The following GPC5 variants were observed in gnomAD, a reference collection of about 807,000 sequenced individuals.
GPC5 encodes the protein glypican 5, also known as glypican-5.
A neutral mutation model predicts 53.9 loss-of-function variants in GPC5; 47 were observed. The ratio of observed to expected loss-of-function variants is 0.87; its 90% CI spans 0.69 to 1.11. GPC5 has a LOEUF of 1.11. GPC5 is among the 50% of genes most tolerant of loss of function. The pLI, the probability that GPC5 is intolerant of heterozygous loss-of-function variation, is 0.00. For synonymous variants in GPC5, 286 were observed against 263.3 expected (o/e 1.09, Z -0.84); for missense variants, 748 against 713.1 (o/e 1.05, Z -0.56).
In GPC5 at chr13:92,294,088, G is replaced by C. The variant is rs138760291; in HGVS notation, c.1561+149099G>C. 5.1e-3 allele frequency among the ~76,000 whole-genome samples: 782 copies of C among 152,210 alleles called. 7 individuals are homozygous for C. The highest frequency in any genetic ancestry group is 0.018 in the African/African-American group (750 of 41,532). On this transcript the variant is annotated intron_variant, in intron 7 of 7. Transcript: ENST00000377067. ...TCTTTCTGATATGTTGTTGAATTTG[G>C]TTACCTAGTATTTTGTTAAGGATTT...
chr13:92,467,073 A>T (rs1180167118), intron 7 of GPC5, among the ~76,000 whole-genome samples: 1 of 152,178 alleles, frequency 6.6e-6, no homozygotes, highest in Non-Finnish European at 1.5e-5. Flanking sequence ...CAGCACTTTC[A>T]GTTTCCATCT....
chr13:92,495,865 G>A (rs1389124828), intron 7 of GPC5, among the ~76,000 whole-genome samples: 8 of 151,832 alleles, frequency 5.3e-5, no homozygotes, highest in East Asian at 1.9e-4. Context: ...AGGTCCATTC[G>A]TCTAAATATT....
intron 7 of GPC5, among the ~76,000 whole-genome samples, chr13:92,498,378 C>T (rs1880057037): frequency 6.6e-6 from 1 of 152,086 alleles, no homozygotes; most frequent in African/African-American, 2.4e-5. Flanking sequence ...TTTCCCTTTC[C>T]AGTCCAGTGT....
intron 5 of GPC5, among the ~76,000 whole-genome samples, chr13:91,864,213 A>G (rs2039060647): frequency 6.6e-6 from 1 of 152,326 alleles, no homozygotes; most frequent in African/African-American, 2.4e-5. Flanking sequence ...TTTGATGGGC[A>G]AACTCAATGC....
At chr13:92,049,171 T>G (rs576663071) in intron 6 of GPC5, among the ~76,000 whole-genome samples, 1 of 152,294 alleles carries the variant, frequency 6.6e-6, no homozygotes, top group Admixed American at 6.5e-5. Context: ...GATTTTCACC[T>G]AACTTGACAG....
intron 6 of GPC5, among the ~76,000 whole-genome samples, chr13:91,958,604 C>T (rs2040096413): frequency 6.6e-6 from 1 of 151,990 alleles, no homozygotes; most frequent in Admixed American, 6.6e-5. Context: ...GAACATTCTC[C>T]AGGATAGGTC....
intron 7 of GPC5, among the ~76,000 whole-genome samples, chr13:92,379,675 T>C (rs1490929239): frequency 1.3e-5 from 2 of 151,908 alleles, no homozygotes; most frequent in African/African-American, 4.8e-5. Flanking sequence ...TGCATATTAG[T>C]TCCTCTCTGT....
chr13:92,249,978 C>T (rs999735599), intron 7 of GPC5, among the ~76,000 whole-genome samples: 5 of 151,804 alleles, frequency 3.3e-5, no homozygotes, highest in African/African-American at 1.2e-4. Flanking sequence ...ATACTTTAAA[C>T]AAGTGATCAA....
chr13:92,587,091 A>T (rs2139061857), intron 7 of GPC5, among the ~76,000 whole-genome samples: 1 of 152,276 alleles, frequency 6.6e-6, no homozygotes, highest in Non-Finnish European at 1.5e-5. Flanking sequence ...GAGAGTTAGT[A>T]AATACATATG....
At chr13:91,784,492 A>C (rs1288007907) in intron 5 of GPC5, among the ~76,000 whole-genome samples, 1 of 152,140 alleles carries the variant, frequency 6.6e-6, no homozygotes, top group Non-Finnish European at 1.5e-5. Context: ...CGGGAGGCCA[A>C]GGTGGGCAGA....
intron 7 of GPC5, among the ~76,000 whole-genome samples, chr13:92,486,493 A>C (rs1034411980): frequency 6.6e-6 from 1 of 152,120 alleles, no homozygotes; most frequent in East Asian, 1.9e-4. Flanking sequence ...GACATTTCCA[A>C]CTCCTTAAAA....
At chr13:92,327,685 A>G (rs74110210) in intron 7 of GPC5, among the ~76,000 whole-genome samples, 4,347 of 152,276 alleles carry the variant, frequency 0.029, 221 homozygotes, top group African/African-American at 0.1. Context: ...TGAATCACTG[A>G]CATAATTGTA....
chr13:92,340,720 C>T (rs983026449), intron 7 of GPC5: 1 of 151,954 alleles, frequency 6.6e-6, no homozygotes, highest in Non-Finnish European at 1.5e-5. Context: ...ATCAGACAAA[C>T]GATTGTATTG....
At chr13:92,335,457 C>T (rs929700379) in intron 7 of GPC5, among the ~76,000 whole-genome samples, 4 of 152,116 alleles carry the variant, frequency 2.6e-5, no homozygotes, top group Admixed American at 1.3e-4. Context: ...CCGTGAAGGC[C>T]TCTGACATGG....
rs368313194 is a variant in GPC5 at position 91,505,953 on chromosome 13, CT to C, written c.325+57040del. On this transcript the variant is annotated intron_variant, in intron 2 of 7. Coordinates refer to ENST00000377067, the MANE Select transcript of GPC5 (RefSeq NM_004466.6). ...AAGTGCAATATATTATTTTATTTTG[CT>C]TTTTTTTTGTAGAATAGGATTTATT... is the stretch of plus-strand genomic sequence containing the variant. Among the ~76,000 whole-genome samples, 355 of 150,672 alleles carry C rather than the reference CT, an allele frequency of 2.4e-3. 2 individuals carry two copies. Among genetic ancestry groups the C allele is most frequent in the Non-Finnish European group, 4.2e-3 (283 of 67,572 alleles).
chr13:91,924,405 G>A (rs2039746712), intron 6 of GPC5, among the ~76,000 whole-genome samples: 1 of 152,038 alleles, frequency 6.6e-6, no homozygotes, highest in Non-Finnish European at 1.5e-5. Flanking sequence ...AAAGGACAAT[G>A]TTTTACCTGT....
At chr13:92,585,557 ACTATAGG>A (rs974583808) in intron 7 of GPC5, among the ~76,000 whole-genome samples, 1 of 152,098 alleles carries the variant, frequency 6.6e-6, no homozygotes, top group African/African-American at 2.4e-5. Context: ...GAGACTTTGG[ACTATAGG>A]CTTTTGAGTA....
intron 5 of GPC5, among the ~76,000 whole-genome samples, chr13:91,783,764 T>C (rs1458531999): frequency 6.6e-6 from 1 of 152,134 alleles, no homozygotes; most frequent in Non-Finnish European, 1.5e-5. Flanking sequence ...AGAAAATACA[T>C]AACCAACATT....
intron 7 of GPC5, among the ~76,000 whole-genome samples, chr13:92,539,306 A>G (rs894219271): frequency 1.3e-5 from 2 of 151,774 alleles, no homozygotes; most frequent in African/African-American, 4.8e-5. Flanking sequence ...AAGTGTTCCT[A>G]TTTCTCCACA....
Sources: allele counts gnomAD v4.1 joint callset (sites outside exome capture counted in the v4.1 genomes callset), GRCh38; gene constraint gnomAD v4.1.1; transcripts MANE v1.5; gene names NCBI Gene and HGNC (gene_info 2026-07-23, HGNC 2026-07-21).